Variants in ATE1 observed in about 807,000 individuals in gnomAD.
ATE1 encodes the protein arginyl-tRNA--protein transferase 1.
In ATE1, 36 loss-of-function variants were observed where a neutral mutation model predicts 70.5. The ratio of observed to expected loss-of-function variants is 0.51; its 90% CI spans 0.39 to 0.67. ATE1 has a LOEUF of 0.67. Ranked by LOEUF, ATE1 falls within the 30% of genes least tolerant of loss-of-function variation. The pLI is 0.00. For missense variants in ATE1, 593 were observed against 629.5 expected (o/e 0.94, Z 0.62); for synonymous variants, 232 against 219.3 (o/e 1.06, Z -0.51).
intron 11 of ATE1, among the ~76,000 whole-genome samples, chr10:121,754,023 G>A (rs1308926107): frequency 1.3e-5 from 2 of 152,134 alleles, no homozygotes; most frequent in African/African-American, 4.8e-5. Flanking sequence ...AGAGAATGGA[G>A]CTACAAGTAT....
chr10:121,872,170 G>A (rs1326682282), intron 7 of ATE1, among the ~76,000 whole-genome samples: 3 of 151,562 alleles, frequency 2.0e-5, no homozygotes, highest in Admixed American at 2.0e-4. Flanking sequence ...AGTAATTGAT[G>A]CATTAATTAG....
At chr10:121,759,441 C>T (rs1372424546) in intron 11 of ATE1, among the ~76,000 whole-genome samples, 4 of 152,068 alleles carry the variant, frequency 2.6e-5, no homozygotes, top group South Asian at 2.1e-4. Flanking sequence ...AAGGTGAAGC[C>T]GGCCGGGCAT....
intron 7 of ATE1, among the ~76,000 whole-genome samples, chr10:121,886,191 A>G (rs1183915254): frequency 6.6e-6 from 1 of 151,914 alleles, no homozygotes; most frequent in Non-Finnish European, 1.5e-5. Context: ...GCTCAACATC[A>G]TTTTGTTATA....
Position 121,899,862 on chromosome 10 carries a change from T to G in ATE1, c.942+4A>C. On this transcript the variant is annotated splice_donor_region_variant and intron_variant, in intron 7 of 11. Coordinates refer to ENST00000224652, the MANE Select transcript of ATE1 (RefSeq NM_001001976.3). The stretch of plus-strand genomic sequence containing the variant: ...CACAGGAAAATTACACTTGGCCTGC[T>G]GACCTGGCTTTCGGTTGGCGTATCA... 1.2e-6 allele frequency: 2 copies of G among 1,611,912 alleles called. No homozygotes were observed. Among genetic ancestry groups the G allele is most frequent in the Non-Finnish European group, 1.7e-6 (2 of 1,178,888 alleles).
intron 7 of ATE1, among the ~76,000 whole-genome samples, chr10:121,885,779 A>C (rs1216464912): frequency 1.3e-5 from 2 of 151,992 alleles, no homozygotes; most frequent in Non-Finnish European, 2.9e-5. Context: ...ATGCGCCTGT[A>C]GTCCTAGCTA....
intron 11 of ATE1, among the ~76,000 whole-genome samples, chr10:121,781,286 C>T (rs1945977151): frequency 6.6e-6 from 1 of 152,192 alleles, no homozygotes; most frequent in Admixed American, 6.5e-5. Flanking sequence ...GGTAGGCAGG[C>T]AGGCAAGGTC....
chr10:121,799,844 C>A (rs58158752), intron 10 of ATE1, among the ~76,000 whole-genome samples: 6,563 of 152,136 alleles, frequency 0.043, 462 homozygotes, highest in African/African-American at 0.14. Flanking sequence ...CACAGAAGTA[C>A]TTCTTACAAT....
At chr10:121,844,905 T>A (rs1181058962) in intron 8 of ATE1, among the ~76,000 whole-genome samples, 2 of 151,206 alleles carry the variant, frequency 1.3e-5, no homozygotes, top group South Asian at 2.1e-4. Context: ...AGATAATGAG[T>A]TTAAAAAAAA....
intron 11 of ATE1, among the ~76,000 whole-genome samples, chr10:121,752,069 C>T (rs1392556579): frequency 2.0e-5 from 3 of 150,792 alleles, no homozygotes; most frequent in African/African-American, 7.3e-5. Flanking sequence ...CGGTGGCGGC[C>T]GCCTGTAGTC....
chr10:121,917,606 G>A (rs1350688478), intron 3 of ATE1, among the ~76,000 whole-genome samples: 1 of 152,020 alleles, frequency 6.6e-6, no homozygotes, highest in Admixed American at 6.6e-5. Flanking sequence ...CTTCCACAGA[G>A]AGAAGCCCGG....
At chr10:121,903,221 C>G (rs1951058440) in intron 5 of ATE1, among the ~76,000 whole-genome samples, 1 of 151,596 alleles carries the variant, frequency 6.6e-6, no homozygotes, top group Admixed American at 6.6e-5. Context: ...AACATTCATC[C>G]ACTTCTCTGC....
At chr10:121,903,231 C>T (rs1431612970) in intron 5 of ATE1, among the ~76,000 whole-genome samples, 2 of 152,068 alleles carry the variant, frequency 1.3e-5, no homozygotes, top group Non-Finnish European at 2.9e-5. Flanking sequence ...CACTTCTCTG[C>T]CTTTGTGAGG....
intron 10 of ATE1, among the ~76,000 whole-genome samples, chr10:121,797,101 A>G (rs1449129860): frequency 6.6e-6 from 1 of 152,222 alleles, no homozygotes; most frequent in Non-Finnish European, 1.5e-5. Context: ...ATGTACGTGG[A>G]AAAATTGGAT....
intron 8 of ATE1, among the ~76,000 whole-genome samples, chr10:121,854,041 T>A (rs1359955058): frequency 6.6e-6 from 1 of 152,180 alleles, no homozygotes; most frequent in Admixed American, 6.5e-5. Context: ...TTCTAACATA[T>A]AAATTTTGGG....
At chr10:121,853,947 C>T (rs1217195288) in intron 8 of ATE1, among the ~76,000 whole-genome samples, 2 of 152,090 alleles carry the variant, frequency 1.3e-5, no homozygotes, top group Admixed American at 6.5e-5. Flanking sequence ...GCACGTAATC[C>T]CATTATTCAG....
chr10:121,899,775 T>C (rs1950907932), intron 7 of ATE1, 91 bp downstream of exon 7: 1 of 1,505,668 alleles, frequency 6.6e-7, no homozygotes, highest in Non-Finnish European at 8.9e-7. Flanking sequence ...ACAAATAAAA[T>C]GTAGCACAAA....
At chr10:121,847,628 T>G (rs1206228882) in intron 8 of ATE1, among the ~76,000 whole-genome samples, 5 of 140,984 alleles carry the variant, frequency 3.5e-5, no homozygotes, top group Admixed American at 2.1e-4. Context: ...CGTGGTGGCA[T>G]GTGCCTGTAA....
At chr10:121,823,252 T>C (rs986210759) in intron 10 of ATE1, among the ~76,000 whole-genome samples, 1 of 151,888 alleles carries the variant, frequency 6.6e-6, no homozygotes, top group Non-Finnish European at 1.5e-5. Context: ...ATCGCACCAC[T>C]GCATTACAGC....
At chr10:121,915,327 T>C (rs940845647) in intron 3 of ATE1, among the ~76,000 whole-genome samples, 2 of 151,796 alleles carry the variant, frequency 1.3e-5, no homozygotes, top group Non-Finnish European at 2.9e-5. Context: ...TGAAGAAACC[T>C]TCCAGAAGAT....
Sources: allele counts gnomAD v4.1 joint callset (sites outside exome capture counted in the v4.1 genomes callset), GRCh38; gene constraint gnomAD v4.1.1; transcripts MANE v1.5; gene names NCBI Gene and HGNC (gene_info 2026-07-23, HGNC 2026-07-21).